The following CFAP54 variants were observed in gnomAD, a reference collection of about 807,000 sequenced individuals.
The protein encoded by CFAP54 is cilia and flagella associated protein 54.
A neutral mutation model predicts 370.4 loss-of-function variants in CFAP54; 290 were observed. The ratio of observed to expected loss-of-function variants is 0.78; its 90% CI spans 0.71 to 0.86. CFAP54 has a LOEUF of 0.86. Among genes scored for constraint, CFAP54 ranks in the 40% least tolerant of loss-of-function variants. The pLI is 0.00. For synonymous variants in CFAP54, 1,206 were observed against 1,236.5 expected (o/e 0.98, Z 0.52); for missense variants, 3,399 against 3,528.7 (o/e 0.96, Z 0.93).
chr12:96,600,660 C>T (rs1164123180), intron 26 of CFAP54, among the ~76,000 whole-genome samples: 6 of 151,990 alleles, frequency 3.9e-5, no homozygotes, highest in Non-Finnish European at 5.9e-5. Flanking sequence ...TCTGTTATTT[C>T]GTTGAGCAGT....
chr12:96,625,720 G>A lies in CFAP54; in HGVS notation c.3889G>A (p.Val1297Ile), dbSNP rs895155370. The change falls in exon 29 of 68, where the codon GTT becomes ATT. Residue 1297 changes from valine (V) to isoleucine (I), a missense_variant and splice_region_variant. By Grantham distance (29) the Val-to-Ile change is conservative. Coordinates refer to ENST00000524981, the MANE Select transcript of CFAP54 (RefSeq NM_001306084.2). ...THLLKLTKQY[V>I]TSELSGGEDP... is the part of the protein sequence containing the mutation. Reference sequence around the variant, plus strand: ...ACTTTTGAATTTTTTAACCTTAGATGTTACATCTGAACTCTCAGGAGGAGA... The same window carrying A: ...ACTTTTGAATTTTTTAACCTTAGATATTACATCTGAACTCTCAGGAGGAGA... 5 of 1,531,432 alleles carry A rather than the reference G, an allele frequency of 3.3e-6. No individual in the cohort carries two copies. Among genetic ancestry groups the A allele is most frequent in the African/African-American group, 1.4e-5 (1 of 72,870 alleles). The allele number at this position is 1,531,432 out of a possible 1,614,324, so 94.9% of individuals were successfully genotyped here.
chr12:96,704,218 G>T (rs974814111), intron 46 of CFAP54, among the ~76,000 whole-genome samples: 2 of 151,776 alleles, frequency 1.3e-5, no homozygotes, highest in Non-Finnish European at 2.9e-5. Flanking sequence ...ACGAGGTCAG[G>T]ATATCAAGAC....
intron 23 of CFAP54, among the ~76,000 whole-genome samples, chr12:96,592,087 G>A (rs1016257596): frequency 2.6e-5 from 4 of 151,964 alleles, no homozygotes; most frequent in African/African-American, 9.7e-5. Context: ...CTAGAACAGT[G>A]TCTTGTACAT....
chr12:96,771,899 A>G (rs1020816741), intron 60 of CFAP54, among the ~76,000 whole-genome samples: 2 of 152,192 alleles, frequency 1.3e-5, no homozygotes, highest in Admixed American at 6.5e-5. Flanking sequence ...TTATAGTACA[A>G]ATTGTATCTG....
At chr12:96,654,790 G>A (rs1956903556) in intron 36 of CFAP54, among the ~76,000 whole-genome samples, 1 of 141,562 alleles carries the variant, frequency 7.1e-6, no homozygotes, top group South Asian at 2.5e-4. Flanking sequence ...GTAAGTGAGA[G>A]CATACAATAT....
intron 66 of CFAP54, among the ~76,000 whole-genome samples, chr12:96,849,340 ATATCCCACT>A (rs1360706646): frequency 6.6e-6 from 1 of 152,214 alleles, no homozygotes; most frequent in African/African-American, 2.4e-5. Flanking sequence ...CAATTGTTCA[ATATCCCACT>A]TATCAATTAA....
At chr12:96,573,206 T>G (rs1473876580) in intron 19 of CFAP54, among the ~76,000 whole-genome samples, 1 of 152,226 alleles carries the variant, frequency 6.6e-6, no homozygotes, top group African/African-American at 2.4e-5. Flanking sequence ...TAATTTTTCC[T>G]TAGGCTGATT....
intron 19 of CFAP54, among the ~76,000 whole-genome samples, chr12:96,574,251 A>G (rs1233143279): frequency 1.3e-5 from 2 of 152,106 alleles, no homozygotes; most frequent in Admixed American, 1.3e-4. Context: ...GGAAACTTCA[A>G]CCTCAACATG....
chr12:96,584,946 G>C (rs1395266446), intron 22 of CFAP54, among the ~76,000 whole-genome samples: 7 of 152,044 alleles, frequency 4.6e-5, no homozygotes, highest in African/African-American at 1.7e-4. Context: ...ATGGAGATCA[G>C]CTGACTAGCC....
chr12:96,555,882 G>T (rs1955746200), intron 17 of CFAP54, among the ~76,000 whole-genome samples: 1 of 151,574 alleles, frequency 6.6e-6, no homozygotes, highest in Admixed American at 6.6e-5. Flanking sequence ...GGATTTTTTT[G>T]GGTAGACCTT....
intron 9 of CFAP54, among the ~76,000 whole-genome samples, chr12:96,528,532 A>C (rs1335102288): frequency 6.6e-6 from 1 of 151,976 alleles, no homozygotes; most frequent in Non-Finnish European, 1.5e-5. Context: ...TTCTTCCTAC[A>C]TGTTTAGTTG....
intron 50 of CFAP54, among the ~76,000 whole-genome samples, chr12:96,732,281 G>C (rs1957930006): frequency 6.6e-6 from 1 of 152,064 alleles, no homozygotes; most frequent in South Asian, 2.1e-4. Flanking sequence ...GCACACTGTA[G>C]TGTGTGCTAC....
At position 96,623,757 on chromosome 12, in the gene CFAP54, A is replaced by G; in HGVS notation, c.3772-10A>G. ...TAAAGTACATTTTGACGTTTAACCAATGTTTTTAGGATTCTTCTAAGAAGT... is the reference window on the plus strand; with the variant it reads ...TAAAGTACATTTTGACGTTTAACCAGTGTTTTTAGGATTCTTCTAAGAAGT... On this transcript the variant is annotated splice_polypyrimidine_tract_variant and intron_variant, in intron 27 of 67. Transcript: ENST00000524981. 7.1e-7 allele frequency: 1 copy of G among 1,410,752 alleles called. No homozygotes were observed. Among genetic ancestry groups the G allele is most frequent in the Non-Finnish European group, 9.6e-7 (1 of 1,040,392 alleles). 87.4% of individuals were successfully genotyped at this position (1,410,752 alleles called of 1,614,324 possible).
intron 29 of CFAP54, among the ~76,000 whole-genome samples, chr12:96,626,590 A>C (rs1317513900): frequency 6.6e-6 from 1 of 152,176 alleles, no homozygotes; most frequent in Non-Finnish European, 1.5e-5. Context: ...ATGCTGAGAT[A>C]TTTAGAAAAT....
At chr12:96,638,669 T>C (rs1233006306) in intron 32 of CFAP54, among the ~76,000 whole-genome samples, 1 of 152,212 alleles carries the variant, frequency 6.6e-6, no homozygotes, top group Non-Finnish European at 1.5e-5. Flanking sequence ...TCTAGGTATG[T>C]TTTTGAAGCT....
At chr12:96,598,552 C>A in intron 25 of CFAP54, 93 bp from the exon 26 acceptor site, 1 of 441,104 alleles carries the variant, frequency 2.3e-6, no homozygotes, top group South Asian at 6.6e-5. Flanking sequence ...AATTTTATGT[C>A]TTAAAGCTTG....
intron 16 of CFAP54, 39 bp from the exon 17 acceptor site, chr12:96,554,637 A>G (rs1955732587): frequency 6.7e-7 from 1 of 1,486,188 alleles, no homozygotes; most frequent in Non-Finnish European, 9.0e-7. Context: ...GTGTTTTGAT[A>G]ACTATATTTC....
At chr12:96,782,222 A>G (rs191576740) in intron 60 of CFAP54, among the ~76,000 whole-genome samples, 82 of 152,280 alleles carry the variant, frequency 5.4e-4, no homozygotes, top group African/African-American at 1.9e-3. Context: ...TACTGTATTT[A>G]TAGTAAATAT....
chr12:96,839,878 C>G (rs1959200907), intron 66 of CFAP54, among the ~76,000 whole-genome samples: 1 of 152,198 alleles, frequency 6.6e-6, no homozygotes, highest in South Asian at 2.1e-4. Context: ...TGACCTCTCT[C>G]TGTGGCTGGT....
Sources: allele counts gnomAD v4.1 joint callset (sites outside exome capture counted in the v4.1 genomes callset), GRCh38; gene constraint gnomAD v4.1.1; transcripts MANE v1.5; gene names NCBI Gene and HGNC (gene_info 2026-07-23, HGNC 2026-07-21).